Variants in FSTL4 observed in about 807,000 individuals in gnomAD.
FSTL4 encodes follistatin-related protein 4.
Under a neutral mutation model 78.2 loss-of-function variants are expected in FSTL4, and 28 were observed. The ratio of observed to expected loss-of-function variants is 0.36; its 90% CI spans 0.27 to 0.49. The LOEUF (loss-of-function observed/expected upper bound fraction) is 0.49. Ranked by LOEUF, FSTL4 falls within the 20% of genes least tolerant of loss-of-function variation. FSTL4 has a pLI of 0.98. For synonymous variants in FSTL4, 422 were observed against 440.5 expected, an observed-to-expected ratio of 0.96 and a Z score of 0.53; for missense variants, 922 against 1,084.9, an observed-to-expected ratio of 0.85 and a Z score of 2.11.
intron 3 of FSTL4, among the ~76,000 whole-genome samples, chr5:133,560,408 C>G (rs1759886889): frequency 6.6e-6 from 1 of 152,180 alleles, no homozygotes; most frequent in East Asian, 1.9e-4. Context: ...CTCACTCTAT[C>G]TCCCAGGTTG....
intron 13 of FSTL4, among the ~76,000 whole-genome samples, chr5:133,211,859 AACCTAACGTATAGAG>A (rs1199262067): frequency 6.6e-6 from 1 of 152,108 alleles, no homozygotes; most frequent in Non-Finnish European, 1.5e-5. Flanking sequence ...TGATGATCTC[AACCTAACGTATAGAG>A]AATTGAACTC....
chr5:133,266,531 G>T (rs1752645826), intron 6 of FSTL4: 2 of 152,338 alleles, frequency 1.3e-5, no homozygotes, highest in African/African-American at 4.8e-5. Context: ...CGGAAAGAAG[G>T]TGGTGAGCCA....
chr5:133,725,990 G>C, the FSTL4 span, among the ~76,000 whole-genome samples: 68 of 152,316 alleles, frequency 4.5e-4, no homozygotes, highest in African/African-American at 1.6e-3. Context: ...AAGAGTGCCA[G>C]AGTCCAGATC....
rs1448541132 is a variant in FSTL4, at chr5:133,196,461, T to C, written c.*2634A>G. The C allele has an allele frequency of 6.6e-6, 1 of 152,190 alleles. No homozygotes were observed. Among genetic ancestry groups the C allele is most frequent in the Admixed American group, 6.5e-5 (1 of 15,286 alleles). 9.4% of individuals were successfully genotyped at this position (152,190 alleles called of 1,614,324 possible). A position where few individuals can be genotyped will look rare whatever the true frequency, so the allele number is the denominator to read the frequency against. ...GAAAAAAAAAACTATCGAATTTTTG[T>C]AAAATTAATTTTATTTCAAAATGAC... is the stretch of plus-strand genomic sequence containing the variant. On this transcript the variant is annotated 3_prime_UTR_variant, in exon 16 of 16. Coordinates refer to ENST00000265342, the MANE Select transcript of FSTL4 (RefSeq NM_015082.2).
chr5:133,753,356 T>C, the FSTL4 span, among the ~76,000 whole-genome samples: 8 of 152,130 alleles, frequency 5.3e-5, no homozygotes, highest in African/African-American at 1.9e-4. Flanking sequence ...GCAGGCATGG[T>C]TACTTCTACT....
rs10077010 is a variant in FSTL4, at chr5:133,607,594, T to C, written c.-10-3601A>G. Reference sequence around the variant, plus strand: ...CAGGCACGTAGACCCACGACATCTATTCTCTTAACTCCCACCTGCTGCCGC... The same window carrying C: ...CAGGCACGTAGACCCACGACATCTACTCTCTTAACTCCCACCTGCTGCCGC... On this transcript the variant is annotated intron_variant, in intron 1 of 15. Transcript: ENST00000265342. Among the ~76,000 whole-genome samples, 861 of 152,300 alleles carry C rather than the reference T, an allele frequency of 5.7e-3. 5 individuals carry two copies. The highest frequency in any genetic ancestry group is 0.019 in the African/African-American group (802 of 41,572).
upstream of FSTL4, among the ~76,000 whole-genome samples, chr5:133,615,005 G>A (rs1399727225): frequency 6.6e-6 from 1 of 152,060 alleles, no homozygotes; most frequent in Non-Finnish European, 1.5e-5. Context: ...ACAATATAAT[G>A]AAAAACTACT....
At chr5:133,529,342 G>C (rs1016966537) in intron 3 of FSTL4, among the ~76,000 whole-genome samples, 1 of 152,174 alleles carries the variant, frequency 6.6e-6, no homozygotes, top group Admixed American at 6.5e-5. Flanking sequence ...TGGGGAACTA[G>C]CATTCATCAC....
At chr5:133,549,388 T>C (rs1299512029) in intron 3 of FSTL4, among the ~76,000 whole-genome samples, 1 of 152,198 alleles carries the variant, frequency 6.6e-6, no homozygotes, top group Non-Finnish European at 1.5e-5. Context: ...ATTACCTTTT[T>C]TAATTTCTAG....
At chr5:133,299,802 G>A (rs1753491047) in intron 6 of FSTL4, among the ~76,000 whole-genome samples, 2 of 152,212 alleles carry the variant, frequency 1.3e-5, no homozygotes, top group Admixed American at 1.3e-4. Flanking sequence ...CTGTGATTGG[G>A]GGGCTGGGGA....
At chr5:133,763,874 C>G in the FSTL4 span, among the ~76,000 whole-genome samples, 4 of 152,188 alleles carry the variant, frequency 2.6e-5, no homozygotes, top group Admixed American at 2.6e-4. Context: ...CAGCCCCTGG[C>G]AATACTTCTG....
intron 3 of FSTL4, among the ~76,000 whole-genome samples, chr5:133,423,817 G>T (rs1339886154): frequency 6.6e-6 from 1 of 152,214 alleles, no homozygotes; most frequent in African/African-American, 2.4e-5. Flanking sequence ...AGAGCAGGAA[G>T]AAGACATACA....
the FSTL4 span, among the ~76,000 whole-genome samples, chr5:133,790,155 A>G: frequency 1.3e-5 from 2 of 152,148 alleles, no homozygotes; most frequent in Admixed American, 1.3e-4. Context: ...AAAAACTTCA[A>G]TGACTCCTCC....
intron 3 of FSTL4, among the ~76,000 whole-genome samples, chr5:133,425,013 C>A (rs1756780505): frequency 6.6e-6 from 1 of 152,174 alleles, no homozygotes; most frequent in Admixed American, 6.5e-5. Context: ...TTCTTATGCG[C>A]ATCAGACTGG....
chr5:133,773,143 AT>A, the FSTL4 span, among the ~76,000 whole-genome samples: 65 of 152,180 alleles, frequency 4.3e-4, no homozygotes, highest in African/African-American at 1.5e-3. Context: ...TTGATCTCAA[AT>A]TTTTAATTAC....
chr5:133,699,547 G>C, the FSTL4 span, among the ~76,000 whole-genome samples: 1 of 152,094 alleles, frequency 6.6e-6, no homozygotes. Flanking sequence ...CCAGGGAGTA[G>C]TGCTAGTCTG....
chr5:133,273,013 G>A (rs1752800309), intron 6 of FSTL4, among the ~76,000 whole-genome samples: 1 of 152,230 alleles, frequency 6.6e-6, no homozygotes, highest in Admixed American at 6.5e-5. Flanking sequence ...GGACGGATTG[G>A]GCCATCAAGG....
the FSTL4 span, among the ~76,000 whole-genome samples, chr5:133,744,070 C>A: frequency 1.3e-5 from 2 of 152,216 alleles, no homozygotes; most frequent in Non-Finnish European, 2.9e-5. Context: ...CTGGATCAGT[C>A]CTCACCTGAA....
intron 3 of FSTL4, among the ~76,000 whole-genome samples, chr5:133,529,731 G>A (rs1759211770): frequency 6.6e-6 from 1 of 152,176 alleles, no homozygotes; most frequent in African/African-American, 2.4e-5. Context: ...AAATGGTAAA[G>A]TTCTGCTTCG....
Sources: allele counts gnomAD v4.1 joint callset (sites outside exome capture counted in the v4.1 genomes callset), GRCh38; gene constraint gnomAD v4.1.1; transcripts MANE v1.5; gene names NCBI Gene and HGNC (gene_info 2026-07-23, HGNC 2026-07-21).